Variants in STAU2 observed in about 807,000 individuals in gnomAD.
STAU2 encodes the protein double-stranded RNA-binding protein Staufen homolog 2.
Under a neutral mutation model 65.9 loss-of-function variants are expected in STAU2, and 20 were observed. That is an observed-to-expected ratio of 0.30 (90% confidence interval 0.21 to 0.44). STAU2 has a LOEUF of 0.44. STAU2 is among the 20% of genes least tolerant of loss of function. The probability of loss-of-function intolerance (pLI) is 1.00; values close to 1 mark genes in which losing one functional copy is unlikely to be tolerated. For missense variants in STAU2, 558 were observed against 683.9 expected (o/e 0.82, Z 2.05); for synonymous variants, 232 against 233.9 (o/e 0.99, Z 0.07).
intron 3 of STAU2, among the ~76,000 whole-genome samples, chr8:73,727,612 T>C (rs1022146612): frequency 6.6e-5 from 10 of 152,246 alleles, no homozygotes; most frequent in African/African-American, 2.2e-4. Flanking sequence ...TACTCATTCA[T>C]CCACTGATGG....
At chr8:73,733,844 T>C (rs974447317) in intron 3 of STAU2, among the ~76,000 whole-genome samples, 5 of 152,312 alleles carry the variant, frequency 3.3e-5, no homozygotes, top group Admixed American at 3.3e-4. Context: ...AATTTTGTCT[T>C]TTTGGGAGCT....
intron 1 of STAU2, among the ~76,000 whole-genome samples, chr8:73,740,746 A>G (rs1806793726): frequency 6.6e-6 from 1 of 152,178 alleles, no homozygotes; most frequent in Non-Finnish European, 1.5e-5. Flanking sequence ...TCACGCTTGT[A>G]ACTCAGCACT....
intron 6 of STAU2, among the ~76,000 whole-genome samples, chr8:73,671,096 G>A (rs1226856681): frequency 6.6e-6 from 1 of 151,944 alleles, no homozygotes; most frequent in Non-Finnish European, 1.5e-5. Flanking sequence ...AAAAAAAACT[G>A]TTCAGCCTCA....
intron 13 of STAU2, among the ~76,000 whole-genome samples, chr8:73,443,481 T>C (rs1465463638): frequency 6.6e-6 from 1 of 152,152 alleles, no homozygotes; most frequent in Non-Finnish European, 1.5e-5. Flanking sequence ...TAAGTAGTAG[T>C]CATAGTGTCT....
chr8:73,534,910 A>G lies in STAU2; in HGVS notation c.1530+17102T>C, dbSNP rs532025826. Among the ~76,000 whole-genome samples, 16 of 152,374 alleles carry G rather than the reference A, an allele frequency of 1.1e-4. No homozygotes were observed. In the East Asian group the frequency reaches 2.5e-3, roughly 24 times the overall value. On this transcript the variant is annotated intron_variant, in intron 13 of 14. Coordinates refer to ENST00000524300, the MANE Select transcript of STAU2 (RefSeq NM_001164380.2). ...CATGGATAAATAAATGAATGAAATT[A>G]CATTACACAGACTGAGACACAACTT...
chr8:73,564,832 C>T (rs538655812), intron 12 of STAU2, among the ~76,000 whole-genome samples: 1 of 152,244 alleles, frequency 6.6e-6, no homozygotes, highest in East Asian at 1.9e-4. Context: ...TTCTCCAGGT[C>T]CTCCAGTTTC....
chr8:73,747,174 CG>C (rs936522111), upstream of STAU2: 4 of 529,012 alleles, frequency 7.6e-6, no homozygotes, highest in African/African-American at 4.1e-5. Flanking sequence ...GGGCCATTCC[CG>C]GGGGGCTTGG....
intron 6 of STAU2, among the ~76,000 whole-genome samples, chr8:73,651,002 C>T (rs576983910): frequency 3.9e-5 from 6 of 152,352 alleles, no homozygotes; most frequent in Non-Finnish European, 7.3e-5. Context: ...CCTGGCCAGC[C>T]CTGCCCGGCC....
At chr8:73,696,636 TAAG>T (rs1819708687) in intron 4 of STAU2, among the ~76,000 whole-genome samples, 1 of 152,080 alleles carries the variant, frequency 6.6e-6, no homozygotes, top group African/African-American at 2.4e-5. Context: ...CAGAAATGAT[TAAG>T]AAGAATTAGT....
At chr8:73,726,969 C>G (rs760388022) in intron 3 of STAU2, among the ~76,000 whole-genome samples, 5 of 152,156 alleles carry the variant, frequency 3.3e-5, no homozygotes, top group Non-Finnish European at 7.3e-5. Flanking sequence ...GTGGCTCACT[C>G]CTGTAATCCC....
chr8:73,700,677 GA>G (rs1284966975), intron 4 of STAU2, among the ~76,000 whole-genome samples: 1 of 151,388 alleles, frequency 6.6e-6, no homozygotes, highest in Non-Finnish European at 1.5e-5. Context: ...AAGAGGACAT[GA>G]AAAAATAAAT....
At chr8:73,477,953 A>C (rs1207587065) in intron 13 of STAU2, among the ~76,000 whole-genome samples, 1 of 152,070 alleles carries the variant, frequency 6.6e-6, no homozygotes, top group East Asian at 1.9e-4. Context: ...AATTCATTAT[A>C]CTGCTCTACA....
At chr8:73,438,238 A>G (rs978589639) in intron 13 of STAU2, among the ~76,000 whole-genome samples, 1 of 152,180 alleles carries the variant, frequency 6.6e-6, no homozygotes, top group African/African-American at 2.4e-5. Flanking sequence ...TGCATTCAAC[A>G]AACACTCATG....
intron 10 of STAU2, among the ~76,000 whole-genome samples, chr8:73,603,385 T>C (rs1220080169): frequency 6.6e-6 from 1 of 152,172 alleles, no homozygotes; most frequent in Non-Finnish European, 1.5e-5. Context: ...CTTCTAAATT[T>C]TGTTTCTAAT....
At chr8:73,463,245 A>G (rs753439760) in intron 13 of STAU2, among the ~76,000 whole-genome samples, 57 of 152,358 alleles carry the variant, frequency 3.7e-4, no homozygotes, top group Middle Eastern at 6.8e-3. Flanking sequence ...GACCTTGTGC[A>G]TGGCAACATG....
chr8:73,527,952 T>C (rs955037780), intron 13 of STAU2: 3 of 491,678 alleles, frequency 6.1e-6, no homozygotes, highest in Admixed American at 6.4e-5. Flanking sequence ...GGGACTTGAA[T>C]TGAATCTATT....
intron 13 of STAU2, among the ~76,000 whole-genome samples, chr8:73,504,431 C>T (rs983468849): frequency 6.6e-6 from 1 of 152,090 alleles, no homozygotes; most frequent in Non-Finnish European, 1.5e-5. Context: ...CAAAAATCAA[C>T]ACAAGTTGTA....
chr8:73,478,826 G>A (rs1282724470), intron 13 of STAU2, among the ~76,000 whole-genome samples: 1 of 152,106 alleles, frequency 6.6e-6, no homozygotes, highest in Non-Finnish European at 1.5e-5. Flanking sequence ...ATAAGCCAAA[G>A]CCTATAGACA....
chr8:73,666,533 A>G (rs1362199368), intron 6 of STAU2, among the ~76,000 whole-genome samples: 1 of 152,250 alleles, frequency 6.6e-6, no homozygotes, highest in East Asian at 1.9e-4. Context: ...AGTAACATTC[A>G]GGCAAAATAG....
Sources: allele counts gnomAD v4.1 joint callset (sites outside exome capture counted in the v4.1 genomes callset), GRCh38; gene constraint gnomAD v4.1.1; transcripts MANE v1.5; gene names NCBI Gene and HGNC (gene_info 2026-07-23, HGNC 2026-07-21).